SLC67A2: variants seen among roughly 807,000 people sequenced by gnomAD.
SLC67A2 encodes solute carrier family 67 member A2.
At chr2:102,736,628 C>T in the SLC67A2 span, 5 of 1,613,742 alleles carry the variant, frequency 3.1e-6, no homozygotes, top group African/African-American at 2.7e-5. Context: ...TGCTCCCAGC[C>T]CCCACGCTCG....
the SLC67A2 span, among the ~76,000 whole-genome samples, chr2:102,728,810 T>C: frequency 1.3e-5 from 2 of 152,118 alleles, no homozygotes; most frequent in East Asian, 3.9e-4. Flanking sequence ...AAAACAAGAA[T>C]AATATCTGCC....
At chr2:102,718,857 T>C in the SLC67A2 span, 13 of 1,614,062 alleles carry the variant, frequency 8.1e-6, no homozygotes, top group Admixed American at 1.7e-5. Flanking sequence ...GCCCCCAGCA[T>C]GCTGCTGTAA....
At chr2:102,723,925 A>G in the SLC67A2 span, 1 of 1,604,660 alleles carries the variant, frequency 6.2e-7, no homozygotes, top group Non-Finnish European at 8.5e-7. Flanking sequence ...AGGGGATGAG[A>G]AACATGCTCT....
chr2:102,720,624 C>G, the SLC67A2 span, among the ~76,000 whole-genome samples: 1 of 152,124 alleles, frequency 6.6e-6, no homozygotes, highest in Admixed American at 6.5e-5. Flanking sequence ...GTTCTCATAA[C>G]AAGGCTATGT....
At chr2:102,716,410 A>G in the SLC67A2 span, 1 of 152,218 alleles carries the variant, frequency 6.6e-6, no homozygotes, top group African/African-American at 2.4e-5. Flanking sequence ...TTTGAGTCTA[A>G]TCTCCATGAG....
At chr2:102,726,950 T>TTCCCACTACA in the SLC67A2 span, 3 of 1,613,504 alleles carry the variant, frequency 1.9e-6, no homozygotes, top group Middle Eastern at 3.3e-4. Context: ...GAAGACCGTC[T>TTCCCACTACA]TCCCACTACA....
the SLC67A2 span, chr2:102,736,502 A>G: frequency 6.4e-7 from 1 of 1,554,256 alleles, no homozygotes; most frequent in Non-Finnish European, 8.6e-7. Flanking sequence ...GGGCAAGAGG[A>G]GAGCTTGATA....
the SLC67A2 span, among the ~76,000 whole-genome samples, chr2:102,715,311 A>C: frequency 9.2e-5 from 14 of 152,016 alleles, no homozygotes; most frequent in Admixed American, 9.2e-4. Flanking sequence ...TCTTGATCTA[A>C]CTCAGTGATT....
At chr2:102,724,572 ACCC>A in the SLC67A2 span, among the ~76,000 whole-genome samples, 1 of 152,096 alleles carries the variant, frequency 6.6e-6, no homozygotes, top group Non-Finnish European at 1.5e-5. Flanking sequence ...ATGTCCCTAG[ACCC>A]CCCACGTGCA....
the SLC67A2 span, among the ~76,000 whole-genome samples, chr2:102,727,675 C>A: frequency 2.0e-5 from 3 of 152,316 alleles, no homozygotes; most frequent in South Asian, 2.1e-4. Context: ...TTAGAACAAA[C>A]CCCTAGAACT....
chr2:102,719,316 G>T, the SLC67A2 span: 1 of 1,152,580 alleles, frequency 8.7e-7, no homozygotes, highest in Non-Finnish European at 1.2e-6. Context: ...TCTATATTTT[G>T]GTACTAAATT....
chr2:102,718,583 A>G, the SLC67A2 span: 2 of 1,612,992 alleles, frequency 1.2e-6, no homozygotes, highest in South Asian at 2.2e-5. Context: ...GATGCGGCCC[A>G]CTGCAGTCAC....
At chr2:102,728,672 G>A in the SLC67A2 span, among the ~76,000 whole-genome samples, 1 of 152,002 alleles carries the variant, frequency 6.6e-6, no homozygotes, top group Non-Finnish European at 1.5e-5. Context: ...CAGGGCAGTG[G>A]TATAATCTGG....
At chr2:102,718,465 C>T in the SLC67A2 span, 8 of 1,614,216 alleles carry the variant, frequency 5.0e-6, no homozygotes, top group Non-Finnish European at 6.8e-6. Flanking sequence ...TAGAGTGTCG[C>T]TTGTTTAGAG....
At chr2:102,724,059 T>A in the SLC67A2 span, 2 of 665,932 alleles carry the variant, frequency 3.0e-6, no homozygotes, top group African/African-American at 3.6e-5. Context: ...CACCACGGCA[T>A]CTGATCTTCT....
At chr2:102,734,616 A>AAAGCTTCATGTAAAG in the SLC67A2 span, among the ~76,000 whole-genome samples, 1 of 152,116 alleles carries the variant, frequency 6.6e-6, no homozygotes, top group South Asian at 2.1e-4. Flanking sequence ...GCTTTATGTG[A>AAAGCTTCATGTAAAG]CTTTCATGTA....
At chr2:102,717,567 C>T in the SLC67A2 span, 1 of 152,370 alleles carries the variant, frequency 6.6e-6, no homozygotes, top group Non-Finnish European at 1.5e-5. Context: ...AAGCTGGGCT[C>T]TCAGAGGCAG....
At chr2:102,736,714 C>T in the SLC67A2 span, 1 of 1,613,808 alleles carries the variant, frequency 6.2e-7, no homozygotes, top group Admixed American at 1.7e-5. Context: ...TCGGCAGCCT[C>T]CGCCTCGGTT....
At chr2:102,725,458 G>A in the SLC67A2 span, among the ~76,000 whole-genome samples, 25 of 152,106 alleles carry the variant, frequency 1.6e-4, no homozygotes, top group African/African-American at 5.3e-4. Flanking sequence ...ACAACTCTAC[G>A]TTCTTATTCA....
Sources: allele counts gnomAD v4.1 joint callset (sites outside exome capture counted in the v4.1 genomes callset), GRCh38; gene constraint gnomAD v4.1.1; transcripts MANE v1.5; gene names NCBI Gene and HGNC (gene_info 2026-07-23, HGNC 2026-07-21).